ADAMTS6: variants seen among roughly 807,000 people sequenced by gnomAD.
ADAMTS6 encodes the protein ADAM metallopeptidase with thrombospondin type 1 motif 6, also known as A disintegrin and metalloproteinase with thrombospondin motifs 6.
A neutral mutation model predicts 144.3 loss-of-function variants in ADAMTS6; 23 were observed. The ratio of observed to expected loss-of-function variants is 0.16; its 90% CI spans 0.11 to 0.23. ADAMTS6 has a LOEUF of 0.23. Ranked by LOEUF, ADAMTS6 falls within the 10% of genes least tolerant of loss-of-function variation. ADAMTS6 has a pLI of 1.00. For missense variants in ADAMTS6, 999 were observed against 1,379.6 expected, an observed-to-expected ratio of 0.72 and a Z score of 4.37; for synonymous variants, 444 against 457.5, an observed-to-expected ratio of 0.97 and a Z score of 0.38.
chr5:65,355,719 A>T (rs1326416592), intron 7 of ADAMTS6, among the ~76,000 whole-genome samples: 2 of 151,874 alleles, frequency 1.3e-5, no homozygotes, highest in Non-Finnish European at 3.0e-5. Flanking sequence ...CATGACCAAG[A>T]AGTCTAATCG....
chr5:65,271,254 G>A (rs1394736082), intron 12 of ADAMTS6, among the ~76,000 whole-genome samples: 1 of 151,680 alleles, frequency 6.6e-6, no homozygotes, highest in Non-Finnish European at 1.5e-5. Context: ...TGGGCATGGT[G>A]GTATGTGCCT....
intron 16 of ADAMTS6, among the ~76,000 whole-genome samples, chr5:65,225,675 G>T (rs926895704): frequency 4.6e-5 from 7 of 152,176 alleles, no homozygotes; most frequent in African/African-American, 1.7e-4. Context: ...GAGCATGGCT[G>T]TTTCACACTT....
intron 9 of ADAMTS6, 102 bp from the exon 10 acceptor site, chr5:65,300,233 G>T: frequency 1.8e-6 from 2 of 1,100,960 alleles, no homozygotes; most frequent in Non-Finnish European, 2.6e-6. Flanking sequence ...ATCAACATAT[G>T]CCTTCCATCA....
chr5:65,384,252 C>T (rs936844800), intron 7 of ADAMTS6, among the ~76,000 whole-genome samples: 1 of 152,208 alleles, frequency 6.6e-6, no homozygotes, highest in African/African-American at 2.4e-5. Context: ...TGAGAATTTT[C>T]CAAGTCTTCA....
intron 7 of ADAMTS6, among the ~76,000 whole-genome samples, chr5:65,418,515 C>T (rs1386430122): frequency 2.0e-5 from 3 of 152,106 alleles, no homozygotes; most frequent in Non-Finnish European, 4.4e-5. Context: ...AGCTGTAGAA[C>T]TTAATCTTCC....
intron 14 of ADAMTS6, among the ~76,000 whole-genome samples, chr5:65,260,328 GT>G (rs1241648115): frequency 6.6e-6 from 1 of 152,154 alleles, no homozygotes; most frequent in African/African-American, 2.4e-5. Context: ...GAAGTTGTGA[GT>G]GTGTGGGGCA....
chr5:65,339,171 C>A (rs959603120), intron 7 of ADAMTS6, among the ~76,000 whole-genome samples: 2 of 152,162 alleles, frequency 1.3e-5, no homozygotes, highest in African/African-American at 2.4e-5. Flanking sequence ...AGCAAGCCCA[C>A]CCCGGCAAAG....
At chr5:65,267,314 T>A (rs1761699024) in intron 12 of ADAMTS6, among the ~76,000 whole-genome samples, 1 of 152,122 alleles carries the variant, frequency 6.6e-6, no homozygotes, top group South Asian at 2.1e-4. Context: ...TACTTTAGTC[T>A]AAATTATCCG....
At chr5:65,270,057 G>A (rs1202485626) in intron 12 of ADAMTS6, among the ~76,000 whole-genome samples, 1 of 152,134 alleles carries the variant, frequency 6.6e-6, no homozygotes. Flanking sequence ...GCTTCCCAAA[G>A]TGCTGGGATT....
intron 7 of ADAMTS6, among the ~76,000 whole-genome samples, chr5:65,350,401 C>T (rs989842993): frequency 6.6e-6 from 1 of 152,052 alleles, no homozygotes; most frequent in African/African-American, 2.4e-5. Context: ...CTTTTTCAAC[C>T]CTTTAATTAT....
chr5:65,302,230 A>G (rs1389572435), intron 9 of ADAMTS6, among the ~76,000 whole-genome samples: 1 of 144,518 alleles, frequency 6.9e-6, no homozygotes, highest in Non-Finnish European at 1.5e-5. Context: ...ACTTATACAT[A>G]TAATTATTAT....
At chr5:65,282,096 T>C (rs1763032717) in intron 11 of ADAMTS6, among the ~76,000 whole-genome samples, 1 of 152,140 alleles carries the variant, frequency 6.6e-6, no homozygotes, top group Admixed American at 6.6e-5. Flanking sequence ...GTCTTTATTG[T>C]GTCGGCAAAA....
At chr5:65,255,564 G>A (rs927392553) in intron 14 of ADAMTS6, among the ~76,000 whole-genome samples, 4 of 152,202 alleles carry the variant, frequency 2.6e-5, no homozygotes, top group Admixed American at 1.3e-4. Context: ...GACAACTTTC[G>A]TAATACTTCA....
At chr5:65,429,529 T>A (rs1483383282) in intron 7 of ADAMTS6, among the ~76,000 whole-genome samples, 3 of 152,164 alleles carry the variant, frequency 2.0e-5, no homozygotes, top group South Asian at 2.1e-4. Flanking sequence ...ATAAAAATTT[T>A]AAAAATATAT....
intron 7 of ADAMTS6, among the ~76,000 whole-genome samples, chr5:65,375,289 A>G (rs924664162): frequency 6.6e-6 from 1 of 152,182 alleles, no homozygotes; most frequent in African/African-American, 2.4e-5. Flanking sequence ...GAGCTTCTGC[A>G]CAGCAAAAGA....
chr5:65,231,387 G>A (rs1739106117), intron 15 of ADAMTS6, among the ~76,000 whole-genome samples: 1 of 151,898 alleles, frequency 6.6e-6, no homozygotes, highest in African/African-American at 2.4e-5. Context: ...AATATATAAA[G>A]CAATATTAAA....
At chr5:65,366,076 C>A (rs1195495708) in intron 7 of ADAMTS6, among the ~76,000 whole-genome samples, 1 of 152,052 alleles carries the variant, frequency 6.6e-6, no homozygotes. Context: ...AAACAAAAAT[C>A]CATTTGTTCT....
chr5:65,271,828 G>T (rs890818510), intron 12 of ADAMTS6, among the ~76,000 whole-genome samples: 8 of 152,002 alleles, frequency 5.3e-5, no homozygotes, highest in Non-Finnish European at 1.2e-4. Flanking sequence ...AGTAAATATG[G>T]ATTGTTGTTT....
intron 24 of ADAMTS6, among the ~76,000 whole-genome samples, chr5:65,153,377 G>C (rs1403054383): frequency 1.3e-5 from 2 of 152,182 alleles, no homozygotes; most frequent in Admixed American, 1.3e-4. Context: ...CTGGAAGAAG[G>C]TAGAAGAGGG....
Sources: gnomAD v4.1 joint callset for allele counts (sites outside exome capture counted in the v4.1 genomes callset) on GRCh38, gnomAD v4.1.1 for gene constraint, MANE v1.5 for transcripts, NCBI Gene and HGNC (gene_info 2026-07-23, HGNC 2026-07-21) for gene names.